ADAMTS19: variants seen among roughly 807,000 people sequenced by gnomAD.
ADAMTS19 encodes A disintegrin and metalloproteinase with thrombospondin motifs 19.
A neutral mutation model predicts 153.3 loss-of-function variants in ADAMTS19; 93 were observed. That is an observed-to-expected ratio of 0.61 (90% CI 0.51 to 0.72). The LOEUF (loss-of-function observed/expected upper bound fraction) is 0.72. ADAMTS19 is among the 30% of genes least tolerant of loss of function. ADAMTS19 has a pLI of 0.00. For missense variants in ADAMTS19, 1,482 were observed against 1,552.1 expected (o/e 0.95, Z 0.76); for synonymous variants, 600 against 556.6 (o/e 1.08, Z -1.10).
At chr5:129,613,228 A>G (rs1004191724) in intron 8 of ADAMTS19, among the ~76,000 whole-genome samples, 2 of 152,174 alleles carry the variant, frequency 1.3e-5, no homozygotes, top group Admixed American at 6.6e-5. Flanking sequence ...ATCACAGAAT[A>G]TACATTCTTC....
At chr5:129,639,322 C>T (rs772657542) in intron 10 of ADAMTS19, among the ~76,000 whole-genome samples, 10 of 152,092 alleles carry the variant, frequency 6.6e-5, no homozygotes, top group Non-Finnish European at 1.2e-4. Context: ...TGAAAACTAT[C>T]CATACTATTT....
intron 7 of ADAMTS19, among the ~76,000 whole-genome samples, chr5:129,580,654 T>G (rs1372879468): frequency 6.6e-6 from 1 of 152,206 alleles, no homozygotes; most frequent in Non-Finnish European, 1.5e-5. Flanking sequence ...GGGTGTTGAA[T>G]TTTATTGATG....
intron 8 of ADAMTS19, among the ~76,000 whole-genome samples, chr5:129,619,565 T>C (rs1053027638): frequency 1.3e-5 from 2 of 152,046 alleles, no homozygotes; most frequent in Non-Finnish European, 1.5e-5. Flanking sequence ...AATTGTCTTA[T>C]GGATAATGAG....
intron 21 of ADAMTS19, among the ~76,000 whole-genome samples, chr5:129,707,602 T>C (rs1309969639): frequency 1.3e-5 from 2 of 152,140 alleles, no homozygotes; most frequent in African/African-American, 4.8e-5. Context: ...AATGCCATGA[T>C]TAAGTTTCAG....
chr5:129,657,213 G>A (rs996038119), intron 14 of ADAMTS19, among the ~76,000 whole-genome samples: 2 of 152,282 alleles, frequency 1.3e-5, no homozygotes, highest in African/African-American at 4.8e-5. Flanking sequence ...AAGGAATGCT[G>A]TATTGTGCAG....
At chr5:129,729,236 G>A (rs1757334384) in intron 21 of ADAMTS19, among the ~76,000 whole-genome samples, 1 of 151,750 alleles carries the variant, frequency 6.6e-6, no homozygotes, top group Admixed American at 6.6e-5. Context: ...GAATTATTTT[G>A]GCTTTTTCTT....
At chr5:129,705,395 C>T (rs911291856) in intron 21 of ADAMTS19, among the ~76,000 whole-genome samples, 2 of 152,082 alleles carry the variant, frequency 1.3e-5, no homozygotes, top group Non-Finnish European at 2.9e-5. Flanking sequence ...AGTGTTGCCC[C>T]AAAGCAATCC....
At chr5:129,580,814 G>T (rs1365957026) in intron 7 of ADAMTS19, among the ~76,000 whole-genome samples, 1 of 152,138 alleles carries the variant, frequency 6.6e-6, no homozygotes, top group African/African-American at 2.4e-5. Context: ...GCTTTTTGAT[G>T]TGCTGCTGGA....
intron 7 of ADAMTS19, among the ~76,000 whole-genome samples, chr5:129,568,602 T>A (rs1474770053): frequency 6.6e-6 from 1 of 152,076 alleles, no homozygotes; most frequent in African/African-American, 2.4e-5. Flanking sequence ...GGTGGATCAC[T>A]TGAGGCCAGG....
intron 2 of ADAMTS19, among the ~76,000 whole-genome samples, chr5:129,494,075 T>A (rs1474761943): frequency 1.3e-5 from 2 of 152,292 alleles, no homozygotes; most frequent in East Asian, 1.9e-4. Context: ...GCATGATGAA[T>A]TTTGAAGTTG....
At chr5:129,647,732 A>G (rs199575499) in intron 11 of ADAMTS19, 33 bp from the exon 12 acceptor site, 28 of 1,607,094 alleles carry the variant, frequency 1.7e-5, no homozygotes, top group Non-Finnish European at 2.3e-5. Context: ...TTGTGCCCTG[A>G]TTTGTTCACC....
rs747518883 is a variant in ADAMTS19, at chr5:129,665,499, GT to G, written c.2428del (p.Tyr810MetfsTer2). On this transcript the variant is annotated frameshift_variant and splice_region_variant, in exon 16 of 23. Coordinates refer to ENST00000274487, the MANE Select transcript of ADAMTS19 (RefSeq NM_133638.6). LOFTEE classifies it high-confidence loss of function. ...TTTCATGTTTTATTGACTCTTACAGGTTATGTAGAAGTGCTGGTGATACCTG... is the reference window on the plus strand; with the variant it reads ...TTTCATGTTTTATTGACTCTTACAGGTATGTAGAAGTGCTGGTGATACCTG... ...KGDFNHTRGA[G>X]YVEVLVIPAG... The G allele has an allele frequency of 6.2e-7, 1 of 1,604,612 alleles. No individual in the cohort carries two copies. The highest frequency in any genetic ancestry group is 1.7e-5 in the Admixed American group (1 of 59,512).
At chr5:129,653,942 A>C (rs1288285925) in intron 13 of ADAMTS19, among the ~76,000 whole-genome samples, 1 of 152,214 alleles carries the variant, frequency 6.6e-6, no homozygotes, top group Non-Finnish European at 1.5e-5. Context: ...CCTGGTGTCT[A>C]CTAAAGATGA....
At chr5:129,731,766 A>G (rs2862757) in intron 21 of ADAMTS19, among the ~76,000 whole-genome samples, 2,394 of 152,250 alleles carry the variant, frequency 0.016, 62 homozygotes, top group African/African-American at 0.053. Flanking sequence ...ATTACAAATG[A>G]TATGTCTGTA....
intron 2 of ADAMTS19, among the ~76,000 whole-genome samples, chr5:129,466,634 A>C (rs1749871555): frequency 6.6e-6 from 1 of 152,188 alleles, no homozygotes; most frequent in East Asian, 1.9e-4. Context: ...AATATAAAAT[A>C]ATAATAATAA....
intron 17 of ADAMTS19, among the ~76,000 whole-genome samples, chr5:129,682,372 TC>T (rs1754860453): frequency 6.6e-6 from 1 of 152,222 alleles, no homozygotes; most frequent in Non-Finnish European, 1.5e-5. Flanking sequence ...GGTCACACTT[TC>T]CTTTTTGCAA....
intron 2 of ADAMTS19, among the ~76,000 whole-genome samples, chr5:129,484,566 G>C (rs1310176401): frequency 6.6e-6 from 1 of 152,096 alleles, no homozygotes; most frequent in Admixed American, 6.5e-5. Context: ...TTTAAGGTTT[G>C]TTCAGGTGGA....
intron 16 of ADAMTS19, among the ~76,000 whole-genome samples, chr5:129,678,758 A>C (rs1309001596): frequency 2.0e-5 from 3 of 152,180 alleles, no homozygotes; most frequent in Admixed American, 2.0e-4. Flanking sequence ...AGATATACAC[A>C]TAATTAGTAT....
chr5:129,617,147 G>GA (rs1259761570), intron 8 of ADAMTS19, among the ~76,000 whole-genome samples: 2 of 152,016 alleles, frequency 1.3e-5, no homozygotes, highest in Admixed American at 6.6e-5. Context: ...CAAACCTGTA[G>GA]AGTCAGGACT....
Sources: gnomAD v4.1 joint callset for allele counts (sites outside exome capture counted in the v4.1 genomes callset) on GRCh38, gnomAD v4.1.1 for gene constraint, MANE v1.5 for transcripts, NCBI Gene and HGNC (gene_info 2026-07-23, HGNC 2026-07-21) for gene names.